ELFN2: variants seen among roughly 807,000 people sequenced by gnomAD.
The protein encoded by ELFN2 is extracellular leucine rich repeat and fibronectin type III domain containing 2.
In ELFN2, 17 loss-of-function variants were observed where a neutral mutation model predicts 45.5. The observed-to-expected ratio is 0.37, with a 90% CI of 0.26 to 0.56. The LOEUF (loss-of-function observed/expected upper bound fraction) is 0.56, where lower values mean the gene tolerates loss of function less well. Ranked by LOEUF, ELFN2 falls within the 20% of genes least tolerant of loss-of-function variation. ELFN2 has a pLI of 0.77. For synonymous variants in ELFN2, 550 were observed against 551.5 expected (o/e 1.00, Z 0.04); for missense variants, 922 against 1,183.2 (o/e 0.78, Z 3.24).
chr22:37,404,866 C>T (rs966364216), intron 2 of ELFN2, among the ~76,000 whole-genome samples: 22 of 152,194 alleles, frequency 1.4e-4, no homozygotes, highest in African/African-American at 5.3e-4. Flanking sequence ...GCCTCAACTT[C>T]CCCATCTGTA....
rs541025938 is a variant in ELFN2 at position 37,388,272 on chromosome 22, C to A, written c.-462-12276G>T. ...AGCCGCTGCCTGTTCTGCCCTCCTA[C>A]CTGCCTGCCTTCTTCCAACCTGGCC... On this transcript the variant is annotated intron_variant, in intron 2 of 2. Transcript: ENST00000402918. Among the ~76,000 whole-genome samples the A allele has an allele frequency of 9.9e-5, 15 of 152,266 alleles. 1 individual carries two copies. The East Asian group carries it at 1.9e-3, about 20-fold the overall frequency.
chr22:37,341,160 G>C (rs1338598929), intron 2 of ELFN2: 5 of 152,456 alleles, frequency 3.3e-5, no homozygotes, highest in Non-Finnish European at 5.9e-5. Flanking sequence ...CATGGAAATT[G>C]TGTGCTTAGT....
chr22:37,390,451 C>G (rs548404423), intron 2 of ELFN2, among the ~76,000 whole-genome samples: 8 of 152,180 alleles, frequency 5.3e-5, no homozygotes, highest in Non-Finnish European at 7.3e-5. Context: ...GTGGCCCAAA[C>G]CTTACCCAGG....
At chr22:37,362,180 G>C (rs60109736) in intron 1 of ELFN2, among the ~76,000 whole-genome samples, 1 of 152,210 alleles carries the variant, frequency 6.6e-6, no homozygotes, top group Non-Finnish European at 1.5e-5. Flanking sequence ...TCATCAGCCC[G>C]TGGGGAAGAG....
In ELFN2 at chr22:37,368,578, T is replaced by C. The variant is rs1231529485; in HGVS notation, c.*4494A>G. On this transcript the variant is annotated 3_prime_UTR_variant, in exon 3 of 3. Transcript: ENST00000402918. The stretch of plus-strand genomic sequence containing the variant: ...CAGGATGGAATCTGAGCATGAGAGT[T>C]AGAGGAGGTCCCCTCTCCTGGGGCT... The C allele has an allele frequency of 6.6e-6, 1 of 152,238 alleles. No individual in the cohort carries two copies. The highest frequency in any genetic ancestry group is 1.5e-5 in the Non-Finnish European group (1 of 68,082). The allele number at this position is 152,238 out of a possible 1,614,324, so 9.4% of individuals were successfully genotyped here. A position where few individuals can be genotyped will look rare whatever the true frequency, so the allele number is the denominator to read the frequency against.
chr22:37,347,042 G>A (rs1930714363), intron 1 of ELFN2, among the ~76,000 whole-genome samples: 1 of 151,990 alleles, frequency 6.6e-6, no homozygotes, highest in Admixed American at 6.6e-5. Flanking sequence ...GCAATGGCAT[G>A]ATCTCAGCTC....
intron 1 of ELFN2, among the ~76,000 whole-genome samples, chr22:37,351,599 T>G (rs1930822917): frequency 6.7e-6 from 1 of 149,478 alleles, no homozygotes; most frequent in African/African-American, 2.4e-5. Flanking sequence ...CCTCTCGACT[T>G]CTGACCATCC....
intron 1 of ELFN2, among the ~76,000 whole-genome samples, chr22:37,345,133 G>A (rs1440741195): frequency 2.3e-5 from 3 of 129,822 alleles, no homozygotes; most frequent in Non-Finnish European, 5.4e-5. Context: ...CCCCCTTCTG[G>A]GCCCACCAAT....
intron 2 of ELFN2, among the ~76,000 whole-genome samples, chr22:37,387,303 T>C (rs1931974707): frequency 6.6e-6 from 1 of 152,138 alleles, no homozygotes; most frequent in African/African-American, 2.4e-5. Context: ...AATTAACGAA[T>C]TATCTCAGCG....
chr22:37,416,929 C>G (rs1382138949), intron 2 of ELFN2, among the ~76,000 whole-genome samples: 1 of 152,154 alleles, frequency 6.6e-6, no homozygotes, highest in South Asian at 2.1e-4. Context: ...GAGATAGCAT[C>G]TCCCTATCCT....
chr22:37,366,489 T>A (rs1931209930), downstream of ELFN2, among the ~76,000 whole-genome samples: 1 of 152,176 alleles, frequency 6.6e-6, no homozygotes, highest in Non-Finnish European at 1.5e-5. Context: ...TTAAGTTTCC[T>A]GAGGAGTAGA....
chr22:37,419,238 G>C (rs554734183), intron 1 of ELFN2, among the ~76,000 whole-genome samples: 6 of 151,818 alleles, frequency 4.0e-5, no homozygotes, highest in African/African-American at 4.8e-5. Flanking sequence ...CTTCCTCCAG[G>C]AAAGGCTCCC....
intron 2 of ELFN2, among the ~76,000 whole-genome samples, chr22:37,414,703 G>C (rs1932735281): frequency 6.6e-6 from 1 of 152,148 alleles, no homozygotes; most frequent in South Asian, 2.1e-4. Flanking sequence ...ACAGCATCGG[G>C]ACATGAACCT....
chr22:37,361,022 T>C (rs912545163), intron 1 of ELFN2, among the ~76,000 whole-genome samples: 1 of 152,094 alleles, frequency 6.6e-6, no homozygotes, highest in African/African-American at 2.4e-5. Context: ...CTTCCCGCCT[T>C]TAACCCTCAC....
intron 1 of ELFN2, among the ~76,000 whole-genome samples, chr22:37,344,819 G>A (rs539055473): frequency 2.0e-5 from 3 of 152,246 alleles, no homozygotes; most frequent in South Asian, 2.1e-4. Flanking sequence ...CCCCGTCCAC[G>A]CCTGCTCTCA....
intron 1 of ELFN2, among the ~76,000 whole-genome samples, chr22:37,345,727 T>C (rs989469028): frequency 6.6e-6 from 1 of 152,098 alleles, no homozygotes; most frequent in Non-Finnish European, 1.5e-5. Flanking sequence ...TTTGTATTTT[T>C]AGTAGGGACA....
chr22:37,405,201 T>C (rs546287282), intron 2 of ELFN2, among the ~76,000 whole-genome samples: 34 of 151,528 alleles, frequency 2.2e-4, no homozygotes, highest in Admixed American at 2.2e-3. Flanking sequence ...CAAGCGATTC[T>C]TGTGCCTCAG....
chr22:37,341,324 G>A (rs1930555039), intron 2 of ELFN2, among the ~76,000 whole-genome samples: 1 of 152,184 alleles, frequency 6.6e-6, no homozygotes, highest in South Asian at 2.1e-4. Context: ...CTCCACCACT[G>A]TGGCCAGCCA....
Position 37,369,370 on chromosome 22 carries a change from C to T in ELFN2, c.*3702G>A, listed in dbSNP as rs1400075537. The T allele has an allele frequency of 6.6e-6, 1 of 152,420 alleles. No individual in the cohort carries two copies. Among genetic ancestry groups the T allele is most frequent in the Non-Finnish European group, 1.5e-5 (1 of 68,204 alleles). 9.4% of individuals were successfully genotyped at this position (152,420 alleles called of 1,614,324 possible). On this transcript the variant is annotated 3_prime_UTR_variant, in exon 3 of 3. Coordinates refer to ENST00000402918, the MANE Select transcript of ELFN2 (RefSeq NM_052906.5). ...CTCTTTACTCCCACCCTCCTCGCTC[C>T]CCTGACAGCCCTTTTCCCAGACCTA...
Sources: gnomAD v4.1 joint callset for allele counts (sites outside exome capture counted in the v4.1 genomes callset) on GRCh38, gnomAD v4.1.1 for gene constraint, MANE v1.5 for transcripts, NCBI Gene and HGNC (gene_info 2026-07-23, HGNC 2026-07-21) for gene names.